Variants in VEPH1 observed in about 807,000 individuals in gnomAD.
VEPH1 encodes the protein ventricular zone-expressed PH domain-containing protein homolog 1.
A neutral mutation model predicts 85.2 loss-of-function variants in VEPH1; 80 were observed. The ratio of observed to expected loss-of-function variants is 0.94; its 90% confidence interval spans 0.78 to 1.13. VEPH1 has a LOEUF of 1.13. Ranked by LOEUF, VEPH1 falls within the 50% of genes most tolerant of loss-of-function variation. The pLI, the probability that VEPH1 is intolerant of heterozygous loss-of-function variation, is 0.00. For missense variants in VEPH1, 955 were observed against 980.5 expected, an observed-to-expected ratio of 0.97 and a Z score of 0.35; for synonymous variants, 297 against 348.0, an observed-to-expected ratio of 0.85 and a Z score of 1.63.
At chr3:157,457,744 T>C (rs894890697) in intron 4 of VEPH1, among the ~76,000 whole-genome samples, 14 of 152,248 alleles carry the variant, frequency 9.2e-5, no homozygotes, top group Non-Finnish European at 2.1e-4. Context: ...ATAAGCTTTT[T>C]GATGTGCTGC....
intron 1 of VEPH1, among the ~76,000 whole-genome samples, chr3:157,502,532 A>G (rs1373205361): frequency 6.6e-6 from 1 of 152,194 alleles, no homozygotes; most frequent in African/African-American, 2.4e-5. Flanking sequence ...TTGTTCTTCC[A>G]GAAAATGTAC....
rs182909796 is a variant in VEPH1, at chr3:157,341,297, C to T, written c.1735+22067G>A. On this transcript the variant is annotated intron_variant, in intron 9 of 13. Transcript: ENST00000362010. ...CTTGAAAAAAGATTAGACGAAGGGC[C>T]AACTAGAATAACCAGTGTAGAGAAG... Among the ~76,000 whole-genome samples, 8 of 152,154 alleles carry T rather than the reference C, an allele frequency of 5.3e-5. 1 individual carries two copies. The East Asian group carries it at 1.4e-3, about 26-fold the overall frequency.
chr3:157,494,315 C>T (rs1383322022), intron 2 of VEPH1, among the ~76,000 whole-genome samples: 1 of 151,746 alleles, frequency 6.6e-6, no homozygotes, highest in Non-Finnish European at 1.5e-5. Flanking sequence ...CCACCACTTT[C>T]ATCTTTCCAA....
At chr3:157,272,826 G>A (rs966036440) in intron 12 of VEPH1, among the ~76,000 whole-genome samples, 2 of 152,128 alleles carry the variant, frequency 1.3e-5, no homozygotes, top group Non-Finnish European at 2.9e-5. Context: ...ATAAGCAGAT[G>A]TTGTCATTCT....
chr3:157,305,357 G>T (rs1224074983), intron 11 of VEPH1, among the ~76,000 whole-genome samples: 1 of 151,838 alleles, frequency 6.6e-6, no homozygotes, highest in African/African-American at 2.4e-5. Flanking sequence ...TGATCCGCCC[G>T]CCTCGGCCTC....
At chr3:157,470,664 A>T in intron 2 of VEPH1, 135 bp from the exon 3 acceptor site, 2 of 697,942 alleles carry the variant, frequency 2.9e-6, no homozygotes, top group Non-Finnish European at 4.5e-6. Flanking sequence ...AAAGCCTAAT[A>T]CAATAAAGGC....
At chr3:157,262,761 C>G (rs1713082697) in intron 13 of VEPH1, among the ~76,000 whole-genome samples, 1 of 152,100 alleles carries the variant, frequency 6.6e-6, no homozygotes. Context: ...GTTGCTGCAA[C>G]TTAAAATGCT....
At chr3:157,471,980 C>A (rs1459965151) in intron 2 of VEPH1, among the ~76,000 whole-genome samples, 1 of 152,022 alleles carries the variant, frequency 6.6e-6, no homozygotes, top group Admixed American at 6.6e-5. Flanking sequence ...TCAAAAGATG[C>A]AAAGAAAGGG....
At chr3:157,386,830 A>C (rs1162863580) in intron 6 of VEPH1, among the ~76,000 whole-genome samples, 1 of 152,214 alleles carries the variant, frequency 6.6e-6, no homozygotes, top group Non-Finnish European at 1.5e-5. Flanking sequence ...TGCAGTTTAA[A>C]CCACCATTGC....
At chr3:157,389,722 T>C (rs1367330958) in intron 6 of VEPH1, among the ~76,000 whole-genome samples, 1 of 152,130 alleles carries the variant, frequency 6.6e-6, no homozygotes, top group Admixed American at 6.5e-5. Context: ...GACCAATCCA[T>C]TGATGGATTT....
chr3:157,276,232 C>G (rs1019273137), intron 12 of VEPH1, among the ~76,000 whole-genome samples: 1 of 152,170 alleles, frequency 6.6e-6, no homozygotes, highest in Non-Finnish European at 1.5e-5. Context: ...TCATACCCAT[C>G]AAAACATATG....
intron 4 of VEPH1, among the ~76,000 whole-genome samples, chr3:157,446,807 G>T (rs1734588974): frequency 6.6e-6 from 1 of 152,158 alleles, no homozygotes; most frequent in Admixed American, 6.5e-5. Context: ...TAAATCTGGA[G>T]TGTAGCAGAA....
intron 6 of VEPH1, among the ~76,000 whole-genome samples, chr3:157,395,969 G>A (rs1730341897): frequency 6.6e-6 from 1 of 152,076 alleles, no homozygotes; most frequent in Admixed American, 6.6e-5. Flanking sequence ...ACATGTGCAG[G>A]ATGTGCGGGT....
chr3:157,372,340 C>T (rs1727600953), intron 7 of VEPH1, among the ~76,000 whole-genome samples: 2 of 152,288 alleles, frequency 1.3e-5, no homozygotes, highest in East Asian at 1.9e-4. Context: ...GGGGATAGAA[C>T]TCCTACATAA....
At chr3:157,280,108 C>G (rs745634433) in intron 12 of VEPH1, among the ~76,000 whole-genome samples, 6 of 150,808 alleles carry the variant, frequency 4.0e-5, no homozygotes, top group Admixed American at 2.6e-4. Context: ...TCTTAGTGTA[C>G]TTACATAGGT....
intron 5 of VEPH1, among the ~76,000 whole-genome samples, chr3:157,418,528 T>C (rs1234577648): frequency 6.6e-6 from 1 of 152,148 alleles, no homozygotes; most frequent in Non-Finnish European, 1.5e-5. Context: ...AGCATTCCTA[T>C]ATAACAACAG....
chr3:157,305,459 CA>C (rs1441068809), intron 11 of VEPH1, among the ~76,000 whole-genome samples: 1 of 152,120 alleles, frequency 6.6e-6, no homozygotes, highest in African/African-American at 2.4e-5. Flanking sequence ...ACTAGACCTA[CA>C]AAAAATATTC....
intron 5 of VEPH1, among the ~76,000 whole-genome samples, chr3:157,420,130 C>A (rs1732215819): frequency 1.3e-5 from 2 of 148,300 alleles, no homozygotes; most frequent in Admixed American, 1.4e-4. Context: ...GATGAGAATA[C>A]AAGCATACGA....
chr3:157,502,802 G>A (rs1184939773), intron 1 of VEPH1, among the ~76,000 whole-genome samples: 2 of 152,126 alleles, frequency 1.3e-5, no homozygotes, highest in Non-Finnish European at 2.9e-5. Flanking sequence ...AGGAAAAAAC[G>A]GCAGCAGCAA....
Sources: gnomAD v4.1 joint callset for allele counts (sites outside exome capture counted in the v4.1 genomes callset) on GRCh38, gnomAD v4.1.1 for gene constraint, MANE v1.5 for transcripts, NCBI Gene and HGNC (gene_info 2026-07-23, HGNC 2026-07-21) for gene names.